The following BAZ1B variants were observed in gnomAD, a reference collection of about 807,000 sequenced individuals.
The protein encoded by BAZ1B is tyrosine-protein kinase BAZ1B.
BAZ1B carries 22 observed loss-of-function variants against 153.8 expected under a neutral mutation model. The ratio of observed to expected loss-of-function variants is 0.14; its 90% CI spans 0.10 to 0.20. BAZ1B has a LOEUF of 0.20. BAZ1B is among the 10% of genes least tolerant of loss of function. The pLI is 1.00. For missense variants in BAZ1B, 1,325 were observed against 1,799.3 expected (o/e 0.74, Z 4.77); for synonymous variants, 676 against 633.4 (o/e 1.07, Z -1.01).
At chr7:73,508,546 A>ATT in intron 2 of BAZ1B, 75 bp from the exon 3 acceptor site, 2 of 1,450,052 alleles carry the variant, frequency 1.4e-6, no homozygotes, top group Non-Finnish European at 1.9e-6. Flanking sequence ...CAATTCAAAC[A>ATT]TTTCTTTCTT....
At position 73,508,390 on chromosome 7, in the gene BAZ1B, T is replaced by C. The variant is rs149201988; in HGVS notation, c.306A>G (p.Leu102=). The C allele has an allele frequency of 8.7e-6, 14 of 1,613,984 alleles. No individual in the cohort carries two copies. The African/African-American group carries it at 1.7e-4, about 20-fold the overall frequency. The change falls in exon 3 of 20, where the codon TTA becomes TTG. Residue 102 remains leucine (L), a synonymous_variant. Coordinates refer to ENST00000339594, the MANE Select transcript of BAZ1B (RefSeq NM_032408.4). ...VHHNTASLEK[L]VDTAWLEIMT... is the part of the protein sequence containing the mutation. ...TGATCTCCAACCAAGCAGTATCTAC[T>C]AACTTCTCTAAGGAGGCTGTGTTAT...
intron 6 of BAZ1B, among the ~76,000 whole-genome samples, chr7:73,484,071 T>G (rs1056044768): frequency 4.6e-5 from 7 of 152,076 alleles, no homozygotes; most frequent in African/African-American, 1.7e-4. Context: ...ATTGAGACCA[T>G]CCTGGCCAAC....
chr7:73,521,092 C>A (rs1554580114), intron 1 of BAZ1B, among the ~76,000 whole-genome samples: 1 of 152,044 alleles, frequency 6.6e-6, no homozygotes, highest in Non-Finnish European at 1.5e-5. Context: ...AAAAACTTCA[C>A]GTCTTGGTTT....
intron 7 of BAZ1B, among the ~76,000 whole-genome samples, chr7:73,473,858 G>A (rs1390818519): frequency 2.0e-5 from 3 of 152,146 alleles, no homozygotes; most frequent in African/African-American, 4.8e-5. Flanking sequence ...CCAGCTGCTC[G>A]GGAGGCCGAA....
chr7:73,457,093 T>TTACC lies in BAZ1B; in HGVS notation c.3432+2439_3432+2442dup, dbSNP rs564331237. Among the ~76,000 whole-genome samples, 29 of 151,812 alleles carry TTACC rather than the reference T, an allele frequency of 1.9e-4. No individual in the cohort carries two copies. The South Asian group carries it at 6.0e-3, about 32-fold the overall frequency. On this transcript the variant is annotated intron_variant, in intron 13 of 19. Coordinates refer to ENST00000339594, the MANE Select transcript of BAZ1B (RefSeq NM_032408.4). ...GTTCCTCAAAAAGTTAAACACTGAATTACCATATGATGCAGCAATCCCACT... is the reference window on the plus strand; with the variant it reads ...GTTCCTCAAAAAGTTAAACACTGAATTACCTACCATATGATGCAGCAATCCCACT...
chr7:73,446,162 G>C (rs1252626982), intron 16 of BAZ1B, among the ~76,000 whole-genome samples: 1 of 152,196 alleles, frequency 6.6e-6, no homozygotes, highest in African/African-American at 2.4e-5. Flanking sequence ...AGTCATGCCA[G>C]GCATCCTCTC....
chr7:73,449,858 G>A (rs1191438043), intron 14 of BAZ1B, among the ~76,000 whole-genome samples, 169 bp from the exon 15 acceptor site: 1 of 152,182 alleles, frequency 6.6e-6, no homozygotes, highest in Non-Finnish European at 1.5e-5. Flanking sequence ...AAGAAATGAA[G>A]CATAACTTAG....
intron 16 of BAZ1B, 83 bp downstream of exon 16, chr7:73,447,181 T>TA: frequency 6.2e-7 from 1 of 1,610,296 alleles, no homozygotes; most frequent in Non-Finnish European, 8.5e-7. Context: ...CCGGCCACAC[T>TA]ACCTACTGCC....
At chr7:73,443,779 G>C (rs1312039393) in intron 17 of BAZ1B, among the ~76,000 whole-genome samples, 3 of 152,128 alleles carry the variant, frequency 2.0e-5, no homozygotes, top group African/African-American at 7.2e-5. Flanking sequence ...CTACAGCAGG[G>C]GAATGCCGGA....
intron 13 of BAZ1B, among the ~76,000 whole-genome samples, chr7:73,456,930 T>G (rs370217940): frequency 7.8e-5 from 7 of 89,184 alleles, no homozygotes; most frequent in Admixed American, 7.8e-4. Context: ...CGACAGAGAC[T>G]CTGTCTCAAA....
intron 5 of BAZ1B, 113 bp downstream of exon 5, chr7:73,492,687 C>T: frequency 1.1e-5 from 12 of 1,067,564 alleles, no homozygotes; most frequent in Non-Finnish European, 1.6e-5. Context: ...CACTCAGAAT[C>T]TGCTGTACAT....
At chr7:73,467,848 CCA>C (rs1364662866) in intron 9 of BAZ1B, among the ~76,000 whole-genome samples, 1 of 152,176 alleles carries the variant, frequency 6.6e-6, no homozygotes, top group African/African-American at 2.4e-5. Flanking sequence ...CATCCAGGCT[CCA>C]CAGTTACTGC....
At chr7:73,490,119 G>A (rs1480472881) in intron 5 of BAZ1B, among the ~76,000 whole-genome samples, 3 of 151,974 alleles carry the variant, frequency 2.0e-5, no homozygotes, top group Non-Finnish European at 4.4e-5. Flanking sequence ...AATCATCTAG[G>A]GTACTATTAA....
intron 7 of BAZ1B, among the ~76,000 whole-genome samples, chr7:73,474,963 A>C (rs1369555426): frequency 6.6e-6 from 1 of 152,248 alleles, no homozygotes; most frequent in East Asian, 1.9e-4. Flanking sequence ...GCCAGGAGAC[A>C]CATGAAAAGA....
rs1375666040 is a variant in BAZ1B, at chr7:73,442,484, T to C, written c.4164A>G (p.Thr1388=). The change falls in exon 19 of 20, where the codon ACA becomes ACG. Residue 1388 remains threonine, a synonymous_variant. Coordinates refer to ENST00000339594, the MANE Select transcript of BAZ1B (RefSeq NM_032408.4). ...DVITHPMDFQ[T]VQNKCSCGSY... is the part of the protein sequence containing the mutation. ...TCCCACAGGAACATTTGTTCTGCACTGTCTGAAAGTCCATGGGGTGCGTGA... is the reference window on the plus strand; with the variant it reads ...TCCCACAGGAACATTTGTTCTGCACCGTCTGAAAGTCCATGGGGTGCGTGA... 1 of 1,614,204 alleles carries C rather than the reference T, an allele frequency of 6.2e-7. No homozygotes were observed. Among genetic ancestry groups the C allele is most frequent in the African/African-American group, 1.3e-5 (1 of 75,066 alleles).
At chr7:73,495,666 G>A (rs1228929685) in intron 4 of BAZ1B, among the ~76,000 whole-genome samples, 1 of 152,158 alleles carries the variant, frequency 6.6e-6, no homozygotes, top group East Asian at 1.9e-4. Flanking sequence ...GAAAGAAAAT[G>A]TGGTACACAT....
At chr7:73,489,462 T>TA in intron 5 of BAZ1B, 71 bp from the exon 6 acceptor site, 1 of 1,500,700 alleles carries the variant, frequency 6.7e-7, no homozygotes, top group Non-Finnish European at 9.2e-7. Context: ...ACAAGCAATA[T>TA]ACGTTCTCTC....
intron 13 of BAZ1B, 62 bp downstream of exon 13, chr7:73,459,474 A>C: frequency 3.3e-6 from 5 of 1,531,368 alleles, no homozygotes; most frequent in South Asian, 1.2e-5. Flanking sequence ...GGGTTAGATT[A>C]TTTTAAAACC....
chr7:73,497,378 T>C (rs1789956561), intron 4 of BAZ1B, among the ~76,000 whole-genome samples: 2 of 152,206 alleles, frequency 1.3e-5, no homozygotes, highest in East Asian at 1.9e-4. Flanking sequence ...TAGTACGTAC[T>C]ACAGTTCATT....
Sources: allele counts gnomAD v4.1 joint callset (sites outside exome capture counted in the v4.1 genomes callset), GRCh38; gene constraint gnomAD v4.1.1; transcripts MANE v1.5; gene names NCBI Gene and HGNC (gene_info 2026-07-23, HGNC 2026-07-21).